ATXN3: variants seen among roughly 807,000 people sequenced by gnomAD.
ATXN3 encodes the protein ataxin-3.
Under a neutral mutation model 58.2 loss-of-function variants are expected in ATXN3, and 28 were observed. The observed-to-expected ratio is 0.48, with a 90% CI of 0.36 to 0.66. ATXN3 has a LOEUF of 0.66. Ranked by LOEUF, ATXN3 falls within the 30% of genes least tolerant of loss-of-function variation. ATXN3 has a pLI of 0.00. For synonymous variants in ATXN3, 113 were observed against 138.5 expected, an observed-to-expected ratio of 0.82 and a Z score of 1.29; for missense variants, 321 against 422.1, an observed-to-expected ratio of 0.76 and a Z score of 2.10.
intron 1 of ATXN3, among the ~76,000 whole-genome samples, chr14:92,104,604 G>T (rs1349340119): frequency 6.6e-6 from 1 of 152,104 alleles, no homozygotes; most frequent in Non-Finnish European, 1.5e-5. Flanking sequence ...TTGAAATGTG[G>T]TCCCACACCA....
intron 1 of ATXN3, among the ~76,000 whole-genome samples, chr14:92,097,113 G>A (rs1403468261): frequency 4.0e-5 from 6 of 151,810 alleles, no homozygotes; most frequent in Non-Finnish European, 8.8e-5. Context: ...TTCATCCTGT[G>A]TTAGCCAGGA....
chr14:92,086,127 G>A (rs1453870321), intron 6 of ATXN3, among the ~76,000 whole-genome samples: 1 of 151,928 alleles, frequency 6.6e-6, no homozygotes, highest in Non-Finnish European at 1.5e-5. Flanking sequence ...CTAAAAGATG[G>A]CTAGGCAAGG....
At chr14:92,102,871 G>A (rs1219460777) in intron 1 of ATXN3, among the ~76,000 whole-genome samples, 1 of 152,176 alleles carries the variant, frequency 6.6e-6, no homozygotes, top group Non-Finnish European at 1.5e-5. Context: ...AGCACTTCAA[G>A]TCATTTATAC....
chr14:92,052,711 G>A (rs2057453012), upstream of ATXN3, among the ~76,000 whole-genome samples: 1 of 152,038 alleles, frequency 6.6e-6, no homozygotes, highest in Non-Finnish European at 1.5e-5. Flanking sequence ...CTGCCTCCAG[G>A]TTACTGGAGC....
intron 1 of ATXN3, 138 bp downstream of exon 1, chr14:92,106,391 C>A: frequency 9.1e-7 from 1 of 1,093,144 alleles, no homozygotes; most frequent in Non-Finnish European, 1.3e-6. Context: ...AGGCGGGAGG[C>A]TGCGGCGTCG....
intron 6 of ATXN3, among the ~76,000 whole-genome samples, chr14:92,085,330 G>C (rs547354686): frequency 6.6e-6 from 1 of 151,956 alleles, no homozygotes; most frequent in Non-Finnish European, 1.5e-5. Context: ...GGGACTACAG[G>C]TGCACAACAC....
At chr14:92,097,193 G>A (rs1236676420) in intron 1 of ATXN3, among the ~76,000 whole-genome samples, 1 of 151,582 alleles carries the variant, frequency 6.6e-6, no homozygotes, top group Non-Finnish European at 1.5e-5. Context: ...ACAGGCGTGA[G>A]CCACTGCGCC....
rs190183100 is a variant in ATXN3, at chr14:92,047,333, C to T, written n.276+563G>A. Among the ~76,000 whole-genome samples, 202 of 152,246 alleles carry T rather than the reference C, an allele frequency of 1.3e-3. 2 individuals are homozygous for T. The South Asian group carries it at 0.013, about 10-fold the overall frequency. ...CCTGAGGTAACCTGTAAGACTTGTC[C>T]GGTTTTTGAACAGGTAAAATGGGAG... On this transcript the variant is annotated intron_variant and non_coding_transcript_variant, in intron 2 of 2. Coordinates refer to the ATXN3 transcript ENST00000564606.
In ATXN3 at chr14:92,105,890, T is replaced by C. The variant is rs548242072; in HGVS notation, c.24+639A>G. On this transcript the variant is annotated intron_variant, in intron 1 of 10. Coordinates refer to ENST00000644486, the MANE Select transcript of ATXN3 (RefSeq NM_004993.6). ...AAAGAAACCAAACCCAAACATCCCG[T>C]AATAAAAACTCTTGTGACGACTTCC... is the stretch of plus-strand genomic sequence containing the variant. Among the ~76,000 whole-genome samples the C allele has an allele frequency of 4.1e-4, 63 of 152,236 alleles. 2 individuals are homozygous for C. The highest frequency in any genetic ancestry group is 1.5e-5 in the Non-Finnish European group (1 of 67,998).
intron 9 of ATXN3, among the ~76,000 whole-genome samples, chr14:92,080,248 AG>A (rs1443905798): frequency 6.6e-6 from 1 of 152,162 alleles, no homozygotes; most frequent in East Asian, 1.9e-4. Context: ...AGCGGCCATG[AG>A]CAGCTAAATG....
At chr14:92,085,183 AT>A (rs1183360386) in intron 6 of ATXN3, among the ~76,000 whole-genome samples, 1 of 148,752 alleles carries the variant, frequency 6.7e-6, no homozygotes, top group African/African-American at 2.5e-5. Context: ...AAGACTTCAC[AT>A]ATTTTTTTTT....
At chr14:92,093,679 A>T in intron 4 of ATXN3, 67 bp downstream of exon 4, 1 of 1,200,848 alleles carries the variant, frequency 8.3e-7, no homozygotes, top group Non-Finnish European at 1.2e-6. Flanking sequence ...TCTCTTCTTT[A>T]AGAAATTACA....
chr14:92,096,824 A>G lies in ATXN3; in HGVS notation c.39T>C (p.Leu13=). Residue 13 remains leucine (L), a synonymous_variant, in exon 2 of 11, where the codon CTT becomes CTC. Transcript: ENST00000644486. ...SIFHEKQEGS[L]CAQHCLNNLL... The stretch of plus-strand genomic sequence containing the variant: ...AGTTATTCAGGCAATGTTGAGCACA[A>G]AGTGAGCCTTCTTGCTAATATTTCC... 6.2e-7 allele frequency: 1 copy of G among 1,613,754 alleles called. No individual in the cohort carries two copies. Among genetic ancestry groups the G allele is most frequent in the Non-Finnish European group, 8.5e-7 (1 of 1,179,852 alleles).
At chr14:92,078,454 C>T (rs995409736) in intron 9 of ATXN3, among the ~76,000 whole-genome samples, 61 of 151,692 alleles carry the variant, frequency 4.0e-4, no homozygotes, top group African/African-American at 1.3e-3. Context: ...CCTCGCCTCC[C>T]GGGTTCAAGT....
intron 10 of ATXN3, 173 bp downstream of exon 10, chr14:92,070,762 T>G: frequency 7.6e-7 from 1 of 1,318,110 alleles, no homozygotes; most frequent in Non-Finnish European, 9.9e-7. Context: ...TTTTTTTTTC[T>G]TTTGGTAACT....
rs34338098 is a variant in ATXN3 at position 92,090,946 on chromosome 14, C to CTTT, written c.388-2132_388-2130dup. 3.7e-3 allele frequency among the ~76,000 whole-genome samples: 434 copies of CTTT among 116,456 alleles called. 15 individuals are homozygous for CTTT. Among genetic ancestry groups the CTTT allele is most frequent in the Non-Finnish European group, 5.0e-3 (298 of 59,310 alleles). 76.4% of individuals were successfully genotyped at this position (116,456 alleles called of 152,430 possible). A position where few individuals can be genotyped will look rare whatever the true frequency, so the allele number is the denominator to read the frequency against. Reference sequence around the variant, plus strand: ...ATCAGCCTCTACTGCTGTAAGCTGCCTTTTTTTTTTTTTTTTTTTGTAGAG... The same window carrying CTTT: ...ATCAGCCTCTACTGCTGTAAGCTGCCTTTTTTTTTTTTTTTTTTTTTTGTAGAG... On this transcript the variant is annotated intron_variant, in intron 5 of 10. Transcript: ENST00000644486.
At chr14:92,096,601 G>GCAA (rs2065308663) in intron 2 of ATXN3, 73 bp downstream of exon 2, 2 of 1,463,484 alleles carry the variant, frequency 1.4e-6, no homozygotes, top group East Asian at 4.6e-5. Context: ...TCCAGCATGG[G>GCAA]CAACAGGGCG....
chr14:92,057,924 G>A (rs2057492329), downstream of ATXN3, among the ~76,000 whole-genome samples: 2 of 151,858 alleles, frequency 1.3e-5, no homozygotes, highest in South Asian at 2.1e-4. Flanking sequence ...TGCCCAGGCT[G>A]GTCTCAAACT....
downstream of ATXN3, among the ~76,000 whole-genome samples, chr14:92,056,020 CAG>C (rs1484840961): frequency 1.3e-5 from 2 of 152,168 alleles, no homozygotes; most frequent in Non-Finnish European, 2.9e-5. Flanking sequence ...GTGTTGGAGA[CAG>C]AGATGCCCCT....
Sources: gnomAD v4.1 joint callset for allele counts (sites outside exome capture counted in the v4.1 genomes callset) on GRCh38, gnomAD v4.1.1 for gene constraint, MANE v1.5 for transcripts, NCBI Gene and HGNC (gene_info 2026-07-23, HGNC 2026-07-21) for gene names.